Variants in SGIP1 observed in about 807,000 individuals in gnomAD.
The protein encoded by SGIP1 is SH3GL interacting endocytic adaptor 1, also known as SH3-containing GRB2-like protein 3-interacting protein 1.
In SGIP1, 38 loss-of-function variants were observed where a neutral mutation model predicts 107.5. The ratio of observed to expected loss-of-function variants is 0.35; its 90% CI spans 0.27 to 0.46. The LOEUF (loss-of-function observed/expected upper bound fraction) is 0.46, where lower values mean the gene tolerates loss of function less well. Ranked by LOEUF, SGIP1 falls within the 20% of genes least tolerant of loss-of-function variation. The pLI, the probability that SGIP1 is intolerant of heterozygous loss-of-function variation, is 1.00. For synonymous variants in SGIP1, 365 were observed against 366.1 expected, an observed-to-expected ratio of 1.00 and a Z score of 0.03; for missense variants, 929 against 1,019.5, an observed-to-expected ratio of 0.91 and a Z score of 1.21.
chr1:66,583,648 T>C (rs2062136528), intron 1 of SGIP1, among the ~76,000 whole-genome samples: 1 of 152,152 alleles, frequency 6.6e-6, no homozygotes, highest in Non-Finnish European at 1.5e-5. Context: ...TTTACATCCT[T>C]GGATAAGCCT....
chr1:66,723,963 C>T (rs1025352285), intron 19 of SGIP1, among the ~76,000 whole-genome samples: 3 of 152,112 alleles, frequency 2.0e-5, no homozygotes, highest in Non-Finnish European at 4.4e-5. Context: ...AGAAATGTTT[C>T]GGAAAGGCCT....
intron 2 of SGIP1, among the ~76,000 whole-genome samples, chr1:66,631,392 C>T (rs2074653517): frequency 6.6e-6 from 1 of 152,150 alleles, no homozygotes; most frequent in Non-Finnish European, 1.5e-5. Flanking sequence ...TTTCCACATC[C>T]AGGTAATGTC....
chr1:66,573,851 C>T (rs2060709821), intron 1 of SGIP1, among the ~76,000 whole-genome samples: 1 of 152,140 alleles, frequency 6.6e-6, no homozygotes, highest in South Asian at 2.1e-4. Flanking sequence ...GTACAACAAA[C>T]CCCCATGACA....
At chr1:66,696,852 A>G (rs78779610) in intron 18 of SGIP1, among the ~76,000 whole-genome samples, 48 of 152,222 alleles carry the variant, frequency 3.2e-4, no homozygotes, top group Non-Finnish European at 4.7e-4. Flanking sequence ...TTTGAATTAG[A>G]TGAAATTAGT....
chr1:66,692,154 C>G (rs2089997691), intron 17 of SGIP1, among the ~76,000 whole-genome samples: 1 of 87,572 alleles, frequency 1.1e-5, no homozygotes, highest in Non-Finnish European at 2.2e-5. Context: ...GAGTGAGACT[C>G]CATCTCAAAA....
intron 24 of SGIP1, 139 bp from the exon 25 acceptor site, chr1:66,742,934 C>A: frequency 3.9e-6 from 3 of 776,154 alleles, no homozygotes; most frequent in Non-Finnish European, 6.2e-6. Flanking sequence ...CTTTATGTAT[C>A]TTTTATTCGT....
intron 1 of SGIP1, among the ~76,000 whole-genome samples, chr1:66,614,809 C>CTTTTTTTTTT (rs10707091): frequency 3.4e-5 from 2 of 59,416 alleles, no homozygotes; most frequent in Non-Finnish European, 6.0e-5. Context: ...TTCCAGCTGT[C>CTTTTTTTTTT]TTTTTTTTTT....
At chr1:66,550,566 T>C (rs1192891588) in intron 1 of SGIP1, among the ~76,000 whole-genome samples, 1 of 152,140 alleles carries the variant, frequency 6.6e-6, no homozygotes, top group Non-Finnish European at 1.5e-5. Flanking sequence ...ATACAGCTAT[T>C]ACCACTGCCC....
intron 21 of SGIP1, among the ~76,000 whole-genome samples, chr1:66,735,966 GA>G (rs1307177519): frequency 6.6e-6 from 1 of 150,904 alleles, no homozygotes; most frequent in Non-Finnish European, 1.5e-5. Flanking sequence ...TTCTTCAAAT[GA>G]AGGAAGTTGT....
At chr1:66,644,813 C>T (rs1036072580) in intron 7 of SGIP1, among the ~76,000 whole-genome samples, 1 of 152,150 alleles carries the variant, frequency 6.6e-6, no homozygotes, top group Non-Finnish European at 1.5e-5. Flanking sequence ...AAACTAACCA[C>T]AGTAAATAAT....
chr1:66,732,320 T>C (rs920467039), intron 20 of SGIP1, among the ~76,000 whole-genome samples: 6 of 152,194 alleles, frequency 3.9e-5, no homozygotes, highest in African/African-American at 1.2e-4. Context: ...CCTCTGTTAC[T>C]CTTACCTCCT....
chr1:66,537,517 G>A (rs1400985474), intron 1 of SGIP1, among the ~76,000 whole-genome samples: 2 of 151,978 alleles, frequency 1.3e-5, no homozygotes, highest in African/African-American at 4.8e-5. Flanking sequence ...TATTTGTGAG[G>A]GTGTCTAGAA....
intron 7 of SGIP1, among the ~76,000 whole-genome samples, chr1:66,648,942 T>A (rs2078184224): frequency 6.6e-6 from 1 of 152,212 alleles, no homozygotes; most frequent in Non-Finnish European, 1.5e-5. Context: ...CCTTAAGGAC[T>A]TTTTGTGCAG....
intron 1 of SGIP1, among the ~76,000 whole-genome samples, chr1:66,605,852 G>T (rs2066723294): frequency 6.6e-6 from 1 of 152,156 alleles, no homozygotes; most frequent in African/African-American, 2.4e-5. Context: ...AAAAGGCAGT[G>T]TGAGTCTGAA....
At chr1:66,657,475 A>C (rs2080017167) in intron 7 of SGIP1, among the ~76,000 whole-genome samples, 1 of 152,168 alleles carries the variant, frequency 6.6e-6, no homozygotes, top group Admixed American at 6.5e-5. Context: ...ACACAATTCA[A>C]TTTTGAATTG....
chr1:66,621,141 G>A (rs2070983324), intron 1 of SGIP1, among the ~76,000 whole-genome samples: 1 of 152,148 alleles, frequency 6.6e-6, no homozygotes, highest in Non-Finnish European at 1.5e-5. Context: ...AAAGCTTTTT[G>A]CAAACTTCTG....
intron 20 of SGIP1, among the ~76,000 whole-genome samples, chr1:66,731,919 G>T (rs900924026): frequency 6.6e-6 from 1 of 152,004 alleles, no homozygotes; most frequent in South Asian, 2.1e-4. Flanking sequence ...AAAAATATGC[G>T]GGAACAATTG....
rs867743739 is a variant in SGIP1 at position 66,671,565 on chromosome 1, A to G, written c.509-379A>G. On this transcript the variant is annotated intron_variant, in intron 10 of 24. Coordinates refer to ENST00000371037, the MANE Select transcript of SGIP1 (RefSeq NM_032291.4). ...CATTTCAAGAAAAGAACAGGCAGAG[A>G]ATGCTGGATTCATGTATTACACATA... Among the ~76,000 whole-genome samples the G allele has an allele frequency of 3.9e-5, 6 of 152,340 alleles. No homozygotes were observed. In the Middle Eastern group the frequency reaches 0.017, roughly 432 times the overall value.
intron 12 of SGIP1, among the ~76,000 whole-genome samples, chr1:66,675,303 C>T (rs540966731): frequency 3.9e-5 from 6 of 152,238 alleles, no homozygotes; most frequent in Non-Finnish European, 8.8e-5. Context: ...GCGAAGTCCA[C>T]CTTTGAGGCT....
Sources: gnomAD v4.1 joint callset for allele counts (sites outside exome capture counted in the v4.1 genomes callset) on GRCh38, gnomAD v4.1.1 for gene constraint, MANE v1.5 for transcripts, NCBI Gene and HGNC (gene_info 2026-07-23, HGNC 2026-07-21) for gene names.